Variants in GLRA3 observed in about 807,000 individuals in gnomAD.
The protein encoded by GLRA3 is glycine receptor alpha 3.
In GLRA3, 44 loss-of-function variants were observed where a neutral mutation model predicts 60.4. That is an observed-to-expected ratio of 0.73 (90% confidence interval 0.57 to 0.94). The LOEUF is 0.94. Among genes scored for constraint, GLRA3 ranks in the 40% least tolerant of loss-of-function variants. GLRA3 has a pLI of 0.00. For missense variants in GLRA3, 508 were observed against 564.6 expected, an observed-to-expected ratio of 0.90 and a Z score of 1.02; for synonymous variants, 223 against 192.9, an observed-to-expected ratio of 1.16 and a Z score of -1.29.
intron 2 of GLRA3, among the ~76,000 whole-genome samples, chr4:174,788,590 TAA>T (rs35640897): frequency 1.4e-3 from 119 of 87,868 alleles, no homozygotes; most frequent in African/African-American, 2.2e-3. Context: ...GTTAGAGAAG[TAA>T]AAAAAAAAAA....
intron 1 of GLRA3, among the ~76,000 whole-genome samples, chr4:174,789,310 C>T (rs760007790): frequency 1.3e-4 from 20 of 152,198 alleles, no homozygotes; most frequent in Non-Finnish European, 2.1e-4. Context: ...TAAAATTCAA[C>T]TGTGAACTAC....
intron 3 of GLRA3, among the ~76,000 whole-genome samples, chr4:174,758,643 T>C (rs545141875): frequency 8.5e-5 from 13 of 152,120 alleles, no homozygotes; most frequent in Non-Finnish European, 1.8e-4. Context: ...TTAATAATAA[T>C]GCATCAATAT....
chr4:174,749,753 A>T (rs1263893099), intron 3 of GLRA3, among the ~76,000 whole-genome samples: 1 of 152,102 alleles, frequency 6.6e-6, no homozygotes, highest in Non-Finnish European at 1.5e-5. Flanking sequence ...TGTGTATCTT[A>T]TCTCTTGTAC....
rs376204538 is a variant in GLRA3, at chr4:174,756,721, T to C, written c.267+10242A>G. Reference sequence around the variant, plus strand: ...GTGCAGTGGCGCGATCTCAGCTCACTGCAAGCTCCGCCTCCCGGGTTCACG... The same window carrying C: ...GTGCAGTGGCGCGATCTCAGCTCACCGCAAGCTCCGCCTCCCGGGTTCACG... On this transcript the variant is annotated intron_variant, in intron 3 of 9. Coordinates refer to ENST00000274093, the MANE Select transcript of GLRA3 (RefSeq NM_006529.4). 5.3e-5 allele frequency among the ~76,000 whole-genome samples: 8 copies of C among 150,822 alleles called. No homozygotes were observed. The East Asian group carries it at 9.8e-4, about 19-fold the overall frequency.
At chr4:174,808,240 A>G (rs147956111) in intron 1 of GLRA3, among the ~76,000 whole-genome samples, 38 of 152,290 alleles carry the variant, frequency 2.5e-4, no homozygotes, top group Non-Finnish European at 5.4e-4. Context: ...ATGTATGGAT[A>G]TACAGTCATG....
At chr4:174,814,346 T>TC (rs1432535384) in intron 1 of GLRA3, among the ~76,000 whole-genome samples, 1 of 152,190 alleles carries the variant, frequency 6.6e-6, no homozygotes, top group East Asian at 1.9e-4. Flanking sequence ...AAGGCAGTCT[T>TC]CCCCTGGAGT....
intron 7 of GLRA3, among the ~76,000 whole-genome samples, chr4:174,670,254 A>C (rs1489631617): frequency 1.3e-5 from 2 of 152,036 alleles, no homozygotes; most frequent in Non-Finnish European, 2.9e-5. Context: ...TTTTGTAGTG[A>C]AGGTTTTGTG....
At chr4:174,662,739 G>C in intron 7 of GLRA3, among the ~76,000 whole-genome samples, 1 of 151,654 alleles carries the variant, frequency 6.6e-6, no homozygotes, top group East Asian at 1.9e-4. Flanking sequence ...GCTAGACTTT[G>C]CCCAAATCTG....
intron 1 of GLRA3, among the ~76,000 whole-genome samples, chr4:174,819,163 C>T (rs1197865432): frequency 6.6e-6 from 1 of 152,074 alleles, no homozygotes; most frequent in Admixed American, 6.6e-5. Context: ...AAAAACATGC[C>T]TATGTTGACA....
chr4:174,784,033 C>T (rs1045174954), intron 2 of GLRA3, among the ~76,000 whole-genome samples: 44 of 149,792 alleles, frequency 2.9e-4, no homozygotes, highest in African/African-American at 4.7e-4. Context: ...ATGTTTATTG[C>T]GGCATTATTC....
intron 7 of GLRA3, among the ~76,000 whole-genome samples, chr4:174,672,325 C>T (rs567214347): frequency 1.3e-5 from 2 of 152,116 alleles, no homozygotes; most frequent in South Asian, 2.1e-4. Context: ...GAAAGGAGAC[C>T]GAAAACTTAA....
chr4:174,677,207 C>A lies in GLRA3; in HGVS notation c.798G>T (p.Leu266=). ...YLIQMYIPSL[L]IVILSWVSFW... is the part of the protein sequence containing the mutation. ...ATGAAACCCAGGATAGAATAACAAT[C>A]AGGAGACTGGGAATGTACATCTGGA... is the stretch of plus-strand genomic sequence containing the variant. Residue 266 remains leucine (L), a synonymous_variant, in exon 7 of 10, where the codon CTG becomes CTT. Coordinates refer to ENST00000274093, the MANE Select transcript of GLRA3 (RefSeq NM_006529.4). 1 of 1,612,144 alleles carries A rather than the reference C, an allele frequency of 6.2e-7. No homozygotes were observed. The highest frequency in any genetic ancestry group is 8.5e-7 in the Non-Finnish European group (1 of 1,178,262).
chr4:174,749,626 T>G (rs1358267545), intron 3 of GLRA3, among the ~76,000 whole-genome samples: 1 of 152,058 alleles, frequency 6.6e-6, no homozygotes, highest in Non-Finnish European at 1.5e-5. Flanking sequence ...AGAAATGGGT[T>G]GCCTGCTTCT....
At chr4:174,686,697 T>C (rs751658925) in intron 5 of GLRA3, among the ~76,000 whole-genome samples, 1 of 152,158 alleles carries the variant, frequency 6.6e-6, no homozygotes, top group Non-Finnish European at 1.5e-5. Flanking sequence ...TCATTTGAGC[T>C]GGATCTTGAA....
At chr4:174,684,373 C>G (rs1734471646) in intron 5 of GLRA3, among the ~76,000 whole-genome samples, 1 of 152,000 alleles carries the variant, frequency 6.6e-6, no homozygotes, top group Non-Finnish European at 1.5e-5. Context: ...AAACATGGGA[C>G]AGTTTGTGGA....
At chr4:174,718,899 C>T (rs191305418) in intron 4 of GLRA3, among the ~76,000 whole-genome samples, 523 of 149,580 alleles carry the variant, frequency 3.5e-3, no homozygotes, top group Middle Eastern at 0.014. Flanking sequence ...CCTGACATTA[C>T]ACAGCAAAAA....
At position 174,659,071 on chromosome 4, in the gene GLRA3, G is replaced by A. The variant is rs766770260; in HGVS notation, c.1054C>T (p.Arg352Ter). The change falls in exon 8 of 10, where the codon CGA becomes TGA. Residue 352 changes from arginine (R) to a stop codon, truncating the protein, a stop_gained. Transcript: ENST00000274093. LOFTEE classifies it high-confidence loss of function. The stretch of plus-strand genomic sequence containing the variant: ...TCACTTACCTTATTCTTTCTCTTTC[G>A]TCGAAATCTCAGAAGTTCTTTGTGT... Reference protein sequence around the residue: ...RQHKELLRFRRKRKNKTEAFA... With the variant: ...RQHKELLRFR 1.4e-5 allele frequency: 22 copies of A among 1,612,084 alleles called. No homozygotes were observed. The highest frequency in any genetic ancestry group is 3.3e-5 in the Admixed American group (2 of 59,884).
In GLRA3 at chr4:174,642,352, T is replaced by A; in HGVS notation, c.*1434A>T. ...TTTTCTTAATCTTTAAAGTTTTCTC[T>A]GTGAATAATTTGGTGGACTGAGTTT... On this transcript the variant is annotated 3_prime_UTR_variant, in exon 10 of 10. Transcript: ENST00000274093. The A allele has an allele frequency of 1.0e-6, 1 of 976,152 alleles. No homozygotes were observed. Among genetic ancestry groups the A allele is most frequent in the Non-Finnish European group, 1.2e-6 (1 of 821,650 alleles). The allele number at this position is 976,152 out of a possible 1,614,324, so 60.5% of individuals were successfully genotyped here. A position where few individuals can be genotyped will look rare whatever the true frequency, so the allele number is the denominator to read the frequency against.
At chr4:174,688,317 TCATATATATA>T (rs1424907435) in intron 5 of GLRA3, among the ~76,000 whole-genome samples, 1,267 of 71,300 alleles carry the variant, frequency 0.018, 106 homozygotes, top group Middle Eastern at 0.033. Flanking sequence ...TTACCTGACA[TCATATATATA>T]TATATATATA....
Sources: allele counts gnomAD v4.1 joint callset (sites outside exome capture counted in the v4.1 genomes callset), GRCh38; gene constraint gnomAD v4.1.1; transcripts MANE v1.5; gene names NCBI Gene and HGNC (gene_info 2026-07-23, HGNC 2026-07-21).